ITPR1: variants seen among roughly 807,000 people sequenced by gnomAD.
ITPR1 encodes the protein inositol 1,4,5-trisphosphate receptor type 1, also known as inositol 1,4,5-trisphosphate-gated calcium channel ITPR1.
ITPR1 carries 96 observed loss-of-function variants against 318.4 expected under a neutral mutation model. The observed-to-expected ratio is 0.30, with a 90% CI of 0.26 to 0.36. The LOEUF (loss-of-function observed/expected upper bound fraction) is 0.36. ITPR1 is among the 10% of genes least tolerant of loss of function. ITPR1 has a pLI of 1.00. For synonymous variants in ITPR1, 1,312 were observed against 1,289.9 expected, an observed-to-expected ratio of 1.02 and a Z score of -0.37; for missense variants, 2,440 against 3,460.2, an observed-to-expected ratio of 0.71 and a Z score of 7.40.
At chr3:4,816,945 C>T (rs1302985020) in intron 59 of ITPR1, among the ~76,000 whole-genome samples, 2 of 152,022 alleles carry the variant, frequency 1.3e-5, no homozygotes, top group African/African-American at 4.8e-5. Context: ...TTTTTCTTCT[C>T]CCCACATATG....
chr3:4,771,929 A>C (rs2046217089), intron 46 of ITPR1, among the ~76,000 whole-genome samples: 1 of 151,790 alleles, frequency 6.6e-6, no homozygotes, highest in South Asian at 2.1e-4. Context: ...CACCTACGAG[A>C]CCCCTGGGAT....
At chr3:4,683,170 A>T (rs1350608610) in intron 26 of ITPR1, among the ~76,000 whole-genome samples, 1 of 152,244 alleles carries the variant, frequency 6.6e-6, no homozygotes, top group Non-Finnish European at 1.5e-5. Flanking sequence ...AATTTGACTT[A>T]TCTTTTAATA....
chr3:4,742,571 G>A (rs867615129), intron 44 of ITPR1, among the ~76,000 whole-genome samples: 1 of 152,166 alleles, frequency 6.6e-6, no homozygotes, highest in African/African-American at 2.4e-5. Context: ...AGCACCTCAC[G>A]TGGCATCTGG....
At chr3:4,837,009 C>A (rs1409286216) in intron 61 of ITPR1, 74 bp downstream of exon 61, 3 of 1,309,092 alleles carry the variant, frequency 2.3e-6, no homozygotes, top group Middle Eastern at 2.6e-4. Context: ...CACACCAAAT[C>A]TGATGAGGAA....
At chr3:4,594,737 G>A (rs962742729) in intron 4 of ITPR1, among the ~76,000 whole-genome samples, 1 of 151,778 alleles carries the variant, frequency 6.6e-6, no homozygotes, top group Non-Finnish European at 1.5e-5. Context: ...TCTCAGTCAT[G>A]GATATCTGCA....
At chr3:4,517,735 C>T (rs1022969055) in intron 3 of ITPR1, among the ~76,000 whole-genome samples, 5 of 152,208 alleles carry the variant, frequency 3.3e-5, no homozygotes, top group Non-Finnish European at 7.3e-5. Flanking sequence ...AATTTATCTT[C>T]TGTGGCTTTT....
At chr3:4,507,057 A>G (rs1390885269) in intron 2 of ITPR1, among the ~76,000 whole-genome samples, 1 of 152,188 alleles carries the variant, frequency 6.6e-6, no homozygotes, top group Non-Finnish European at 1.5e-5. Context: ...TTAATGAACA[A>G]TAAGAATATT....
At position 4,667,861 on chromosome 3, in the gene ITPR1, G is replaced by A. The variant is rs1011767586; in HGVS notation, c.1886+312G>A. Reference sequence around the variant, plus strand: ...CGCAGGTGACGTGCAGGCACTTAGTGGATGCAGAGGAAATGACAAATTGTT... The same window carrying A: ...CGCAGGTGACGTGCAGGCACTTAGTAGATGCAGAGGAAATGACAAATTGTT... On this transcript the variant is annotated intron_variant, in intron 18 of 61. Transcript: ENST00000649015. Among the ~76,000 whole-genome samples, 4 of 152,104 alleles carry A rather than the reference G, an allele frequency of 2.6e-5. No homozygotes were observed. The South Asian group carries it at 8.3e-4, about 32-fold the overall frequency.
intron 52 of ITPR1, among the ~76,000 whole-genome samples, chr3:4,789,946 A>G (rs2047449860): frequency 6.6e-6 from 1 of 152,224 alleles, no homozygotes; most frequent in African/African-American, 2.4e-5. Context: ...CCAAACCTCC[A>G]TGATAGTTAA....
intron 4 of ITPR1, among the ~76,000 whole-genome samples, chr3:4,588,913 T>C (rs773419074): frequency 6.6e-6 from 1 of 152,178 alleles, no homozygotes. Flanking sequence ...CCTTCAGTTA[T>C]AGTCCCAATT....
intron 60 of ITPR1, chr3:4,830,845 G>A (rs2050429705): frequency 4.6e-6 from 2 of 438,168 alleles, no homozygotes; most frequent in Non-Finnish European, 9.2e-6. Context: ...CCTTTCTTTT[G>A]CCCTCAAGCC....
intron 40 of ITPR1, among the ~76,000 whole-genome samples, chr3:4,720,779 A>G (rs1207208537): frequency 6.9e-6 from 1 of 144,876 alleles, no homozygotes; most frequent in Non-Finnish European, 1.5e-5. Flanking sequence ...AAAAGATGCC[A>G]TTGTAAAATT....
intron 10 of ITPR1, among the ~76,000 whole-genome samples, chr3:4,647,810 G>T (rs907930101): frequency 6.6e-5 from 10 of 152,074 alleles, no homozygotes; most frequent in African/African-American, 1.9e-4. Context: ...CAGATAGTTT[G>T]CCCATTTAAA....
chr3:4,825,326 G>A (rs146458535), intron 60 of ITPR1, among the ~76,000 whole-genome samples: 1 of 152,300 alleles, frequency 6.6e-6, no homozygotes, highest in African/African-American at 2.4e-5. Flanking sequence ...TCAAAAGTAG[G>A]CTCAATGTGG....
chr3:4,516,379 G>A (rs1047082727), intron 2 of ITPR1, 97 bp from the exon 3 acceptor site: 3 of 622,906 alleles, frequency 4.8e-6, no homozygotes, highest in East Asian at 3.0e-5. Flanking sequence ...TAAGTAAGGC[G>A]CTTTGGAAAA....
At chr3:4,509,128 C>G (rs1015710916) in intron 2 of ITPR1, among the ~76,000 whole-genome samples, 7 of 152,176 alleles carry the variant, frequency 4.6e-5, no homozygotes, top group Non-Finnish European at 8.8e-5. Flanking sequence ...ATTTGGTTTA[C>G]TCCTCACAAT....
chr3:4,678,530 A>C (rs2094230761), intron 24 of ITPR1, among the ~76,000 whole-genome samples: 1 of 152,224 alleles, frequency 6.6e-6, no homozygotes, highest in African/African-American at 2.4e-5. Flanking sequence ...GAGGAATGCA[A>C]AAATGATTCG....
chr3:4,645,173 T>A (rs931424203), intron 8 of ITPR1, among the ~76,000 whole-genome samples: 14 of 152,224 alleles, frequency 9.2e-5, no homozygotes, highest in Non-Finnish European at 1.0e-4. Flanking sequence ...GGTTGGAATG[T>A]GCATAGTGAT....
intron 4 of ITPR1, among the ~76,000 whole-genome samples, chr3:4,601,860 C>G (rs1281966111): frequency 1.3e-5 from 2 of 152,072 alleles, no homozygotes; most frequent in African/African-American, 4.8e-5. Context: ...TAGTAAAAGA[C>G]AAATAGCCCA....
Sources: allele counts gnomAD v4.1 joint callset (sites outside exome capture counted in the v4.1 genomes callset), GRCh38; gene constraint gnomAD v4.1.1; transcripts MANE v1.5; gene names NCBI Gene and HGNC (gene_info 2026-07-23, HGNC 2026-07-21).